Variants in CACNA1A observed in about 807,000 individuals in gnomAD.
CACNA1A encodes the protein voltage-dependent P/Q-type calcium channel subunit alpha-1A.
CACNA1A carries 57 observed loss-of-function variants against 262.4 expected under a neutral mutation model. The observed-to-expected ratio is 0.22, with a 90% confidence interval of 0.18 to 0.27. The LOEUF (loss-of-function observed/expected upper bound fraction) is 0.27. Ranked by LOEUF, CACNA1A falls within the 10% of genes least tolerant of loss-of-function variation. CACNA1A has a pLI of 1.00. For missense variants in CACNA1A, 2,526 were observed against 3,562.8 expected, an observed-to-expected ratio of 0.71 and a Z score of 7.41; for synonymous variants, 1,431 against 1,419.3, an observed-to-expected ratio of 1.01 and a Z score of -0.18.
intron 30 of CACNA1A, among the ~76,000 whole-genome samples, chr19:13,246,879 G>T (rs1041444646): frequency 2.6e-5 from 4 of 152,144 alleles, no homozygotes; most frequent in African/African-American, 9.7e-5. Flanking sequence ...ATCCGCCTCG[G>T]CCTCCCAAAG....
At chr19:13,374,001 A>G (rs2059365792) in intron 3 of CACNA1A, among the ~76,000 whole-genome samples, 1 of 152,222 alleles carries the variant, frequency 6.6e-6, no homozygotes, top group Non-Finnish European at 1.5e-5. Flanking sequence ...TAACTAGTCC[A>G]GGGCCTGGGA....
chr19:13,296,316 T>C (rs1208367206), intron 19 of CACNA1A, among the ~76,000 whole-genome samples: 4 of 152,172 alleles, frequency 2.6e-5, no homozygotes, highest in Non-Finnish European at 4.4e-5. Context: ...CTTAAACCCA[T>C]CATTAAAAAA....
intron 1 of CACNA1A, among the ~76,000 whole-genome samples, chr19:13,495,156 A>G (rs190114971): frequency 2.0e-5 from 3 of 152,340 alleles, no homozygotes; most frequent in Admixed American, 2.0e-4. Context: ...AACACTGTTT[A>G]CTTTCCTCAC....
intron 3 of CACNA1A, among the ~76,000 whole-genome samples, chr19:13,389,648 T>G (rs558823305): frequency 6.6e-6 from 1 of 152,300 alleles, no homozygotes; most frequent in South Asian, 2.1e-4. Flanking sequence ...CAAATGACTT[T>G]GAGTACCATG....
chr19:13,469,230 G>T (rs1002616212), intron 1 of CACNA1A, among the ~76,000 whole-genome samples: 2 of 152,210 alleles, frequency 1.3e-5, no homozygotes, highest in African/African-American at 2.4e-5. Context: ...GAAAACAGAA[G>T]CTGGGAGCTA....
At chr19:13,320,019 T>A (rs2058215468) in intron 10 of CACNA1A, among the ~76,000 whole-genome samples, 1 of 152,150 alleles carries the variant, frequency 6.6e-6, no homozygotes. Context: ...GGCTGTGACC[T>A]GCTTACAGGG....
At chr19:13,318,994 T>G (rs2058191417) in intron 10 of CACNA1A, among the ~76,000 whole-genome samples, 1 of 150,606 alleles carries the variant, frequency 6.6e-6, no homozygotes, top group Non-Finnish European at 1.5e-5. Flanking sequence ...GTTCAAGCGA[T>G]CCTCCCACCT....
Position 13,506,182 on chromosome 19 carries a change from C to T in CACNA1A, c.43G>A (p.Gly15Arg). Residue 15 changes from glycine to arginine, a missense_variant, in exon 1 of 47, where the codon GGA becomes AGA. Gly to Arg is a moderately radical substitution (Grantham distance 125). Transcript: ENST00000360228. ...ACCCCGGCGGCTGCCCCGGAGCCTC[C>T]TCCCCCGTAGCGGGCCGGCATCTCG... ...GDEMPARYGG[G>R]GSGAAAGVVV... is the part of the protein sequence containing the mutation. 1.3e-6 allele frequency: 2 copies of T among 1,520,506 alleles called. No homozygotes were observed. Among genetic ancestry groups the T allele is most frequent in the Non-Finnish European group, 1.8e-6 (2 of 1,136,390 alleles). 94.2% of individuals were successfully genotyped at this position (1,520,506 alleles called of 1,614,324 possible).
In CACNA1A at chr19:13,214,222, G is replaced by A. The variant is rs763730065; in HGVS notation, c.5940+11C>T. 3.7e-5 allele frequency: 60 copies of A among 1,601,140 alleles called. No individual in the cohort carries two copies. The highest frequency in any genetic ancestry group is 4.8e-5 in the Non-Finnish European group (56 of 1,176,710). ...CCAGCCCAGATGTCCCCAGAGCGGC[G>A]AACAGCGCACCTGCTCCTCGCGCAT... On this transcript the variant is annotated intron_variant, in intron 40 of 46. Coordinates refer to ENST00000360228, the MANE Select transcript of CACNA1A (RefSeq NM_001127222.2). The surrounding 1 kb of genome is among the most constrained non-coding windows in gnomAD (Gnocchi z 4.1).
At chr19:13,392,905 C>T (rs563510888) in intron 3 of CACNA1A, among the ~76,000 whole-genome samples, 216 of 152,316 alleles carry the variant, frequency 1.4e-3, no homozygotes, top group Middle Eastern at 3.4e-3. Flanking sequence ...CGCCACCATG[C>T]TCGGCTAATC....
At chr19:13,233,261 C>G (rs746787676) in intron 34 of CACNA1A, among the ~76,000 whole-genome samples, 15 of 152,094 alleles carry the variant, frequency 9.9e-5, no homozygotes, top group Admixed American at 2.0e-4. Context: ...TTGCCAATTT[C>G]TCTCAAATGT....
chr19:13,404,713 C>T (rs1306326901), intron 3 of CACNA1A, among the ~76,000 whole-genome samples: 1 of 152,156 alleles, frequency 6.6e-6, no homozygotes, highest in East Asian at 1.9e-4. Flanking sequence ...AAAGCACCTA[C>T]AGCTCCAAAG....
At chr19:13,436,092 T>C (rs923871256) in intron 3 of CACNA1A, among the ~76,000 whole-genome samples, 1 of 152,210 alleles carries the variant, frequency 6.6e-6, no homozygotes, top group Non-Finnish European at 1.5e-5. Context: ...CCTAAAGTGT[T>C]GGGATTACAG....
intron 4 of CACNA1A, among the ~76,000 whole-genome samples, chr19:13,368,639 G>C (rs926739689): frequency 2.0e-5 from 3 of 152,192 alleles, no homozygotes; most frequent in Non-Finnish European, 4.4e-5. Context: ...TTTGCTTCTT[G>C]ATTGCAGGAA....
intron 1 of CACNA1A, among the ~76,000 whole-genome samples, chr19:13,496,520 A>G (rs2145150718): frequency 6.6e-6 from 1 of 152,304 alleles, no homozygotes; most frequent in African/African-American, 2.4e-5. Flanking sequence ...GGAAAATCCT[A>G]CTTGGGCCTA....
chr19:13,429,942 G>A (rs927232198), intron 3 of CACNA1A, among the ~76,000 whole-genome samples: 1 of 145,746 alleles, frequency 6.9e-6, no homozygotes, highest in South Asian at 2.3e-4. Flanking sequence ...AAACTAGAAC[G>A]GCGGGTGCCA....
rs754294720 is a variant in CACNA1A at position 13,235,679 on chromosome 19, T to C, written c.5002A>G (p.Ile1668Val). The stretch of plus-strand genomic sequence containing the variant: ...GTGTAACCCTGACGGAGAAGTTTGA[T>C]GAGCCGGGCAGCTCGGAAGAGGCGG... ...FLRLFRAARL[I>V]KLLRQGYTIR... The change falls in exon 32 of 47, where the codon ATC becomes GTC. Residue 1668 changes from isoleucine (I) to valine (V), a missense_variant. This residue lies in a region of CACNA1A where 66 missense variants were observed against 195.8 expected (regional missense o/e 0.34). Coordinates refer to ENST00000360228, the MANE Select transcript of CACNA1A (RefSeq NM_001127222.2). 4 of 1,613,854 alleles carry C rather than the reference T, an allele frequency of 2.5e-6. No homozygotes were observed. Among genetic ancestry groups the C allele is most frequent in the African/African-American group, 1.3e-5 (1 of 74,918 alleles).
In CACNA1A at chr19:13,506,057, C is replaced by T. The variant is rs1248037854; in HGVS notation, c.168G>A (p.Ala56=). The change falls in exon 1 of 47, where the codon GCG becomes GCA. Residue 56 remains alanine, a synonymous_variant. Transcript: ENST00000360228. The part of the protein sequence containing the change: ...RMYKQSMAQR[A]RTMALYNPIP... Reference sequence around the variant, plus strand: ...TGGGGTTGTAGAGTGCCATGGTCCGCGCTCTCTGCGCCATTGACTGCTTGT... The same window carrying T: ...TGGGGTTGTAGAGTGCCATGGTCCGTGCTCTCTGCGCCATTGACTGCTTGT... 3 of 1,613,942 alleles carry T rather than the reference C, an allele frequency of 1.9e-6. No homozygotes were observed. The highest frequency in any genetic ancestry group is 1.1e-5 in the South Asian group (1 of 91,070).
At chr19:13,400,768 T>C (rs1480845046) in intron 3 of CACNA1A, among the ~76,000 whole-genome samples, 1 of 152,162 alleles carries the variant, frequency 6.6e-6, no homozygotes, top group East Asian at 1.9e-4. Flanking sequence ...TTGGAGCTAA[T>C]AATGCAGCCC....
Sources: gnomAD v4.1 joint callset for allele counts (sites outside exome capture counted in the v4.1 genomes callset) on GRCh38, gnomAD v4.1.1 for gene constraint, gnomAD v4.1.1 regional missense constraint, Gnocchi (gnomAD v3.1) non-coding constraint, MANE v1.5 for transcripts, NCBI Gene and HGNC (gene_info 2026-07-23, HGNC 2026-07-21) for gene names.